SLC38A8: variants seen among roughly 807,000 people sequenced by gnomAD.
SLC38A8 encodes solute carrier family 38 member 8.
Under a neutral mutation model 46.0 loss-of-function variants are expected in SLC38A8, and 65 were observed. The ratio of observed to expected loss-of-function variants is 1.41; its 90% CI spans 1.16 to 1.74. SLC38A8 has a LOEUF of 1.74. Ranked by LOEUF, SLC38A8 falls within the 40% of genes most tolerant of loss-of-function variation. SLC38A8 has a pLI of 0.00. For synonymous variants in SLC38A8, 447 were observed against 243.7 expected (o/e 1.83, Z -7.77); for missense variants, 998 against 567.9 (o/e 1.76, Z -7.70).
chr16:84,012,821 G>A (rs1216152058), intron 10 of SLC38A8, among the ~76,000 whole-genome samples, 180 bp downstream of exon 10: 1 of 152,238 alleles, frequency 6.6e-6, no homozygotes, highest in African/African-American at 2.4e-5. Context: ...ACTGGCCCGG[G>A]CTCCTATCCT....
chr16:84,016,723 C>T lies in SLC38A8; in HGVS notation c.958G>A (p.Val320Met), dbSNP rs1238476041. 4.3e-6 allele frequency: 7 copies of T among 1,612,032 alleles called. No individual in the cohort carries two copies. Among genetic ancestry groups the T allele is most frequent in the Non-Finnish European group, 5.9e-6 (7 of 1,179,646 alleles). Reference sequence around the variant, plus strand: ...CTCCTCCTCCAGAAGTCCTGCATCACTGACCTGGAGGCCACAGCCAACACA... The same window carrying T: ...CTCCTCCTCCAGAAGTCCTGCATCATTGACCTGGAGGCCACAGCCAACACA... The part of the protein sequence containing the change: ...YPIVLFLGRS[V>M]MQDFWRRSCL... The change falls in exon 9 of 11, where the codon GTG becomes ATG. Residue 320 changes from valine (V) to methionine (M), a missense_variant. Coordinates refer to ENST00000299709, the MANE Select transcript of SLC38A8 (RefSeq NM_001080442.3).
intron 2 of SLC38A8, 114 bp downstream of exon 2, chr16:84,041,855 C>T (rs1373184847): frequency 2.3e-5 from 22 of 943,000 alleles, no homozygotes; most frequent in Non-Finnish European, 3.2e-5. Context: ...AATAAAACCC[C>T]GAAGCTATAG....
At chr16:84,012,036 A>G (rs903978219) in intron 10 of SLC38A8, among the ~76,000 whole-genome samples, 2 of 152,224 alleles carry the variant, frequency 1.3e-5, no homozygotes, top group Admixed American at 6.5e-5. Flanking sequence ...CAGAGAGTCC[A>G]GCCCTGCCAA....
rs189177307 is a variant in SLC38A8 at position 84,034,992 on chromosome 16, G to C, written c.389-1523C>G. 3.9e-4 allele frequency among the ~76,000 whole-genome samples: 59 copies of C among 152,190 alleles called. 1 individual carries two copies. The highest frequency in any genetic ancestry group is 3.4e-3 in the Middle Eastern group (1 of 294). ...CCCCAAGCACTCCAACCTCTATCTA[G>C]CACTCCGTCTCAGAAGCTTGGCCTT... On this transcript the variant is annotated intron_variant, in intron 3 of 10. Coordinates refer to ENST00000299709, the MANE Select transcript of SLC38A8 (RefSeq NM_001080442.3).
intron 6 of SLC38A8, among the ~76,000 whole-genome samples, chr16:84,023,780 G>A (rs1395708884): frequency 6.6e-6 from 1 of 152,184 alleles, no homozygotes; most frequent in Non-Finnish European, 1.5e-5. Flanking sequence ...TGTAATCCCA[G>A]CTACTCAGGA....
intron 6 of SLC38A8, among the ~76,000 whole-genome samples, chr16:84,026,641 T>C (rs1242702271): frequency 6.6e-6 from 1 of 152,092 alleles, no homozygotes; most frequent in African/African-American, 2.4e-5. Context: ...GACGACACAG[T>C]GGCCAAAAAG....
At chr16:84,031,699 A>T (rs1226773822) in intron 5 of SLC38A8, among the ~76,000 whole-genome samples, 168 bp downstream of exon 5, 1 of 100,730 alleles carries the variant, frequency 9.9e-6, no homozygotes, top group Non-Finnish European at 2.4e-5. Flanking sequence ...CAGCAGAAGG[A>T]GAGTGGCCCT....
intron 10 of SLC38A8, 138 bp downstream of exon 10, chr16:84,012,863 G>A (rs2084970375): frequency 3.1e-6 from 3 of 960,774 alleles, no homozygotes; most frequent in Non-Finnish European, 1.6e-6. Flanking sequence ...GGTAGACAGA[G>A]ACTCTCTTCC....
chr16:84,026,383 T>G (rs568732236), intron 6 of SLC38A8, among the ~76,000 whole-genome samples: 1 of 152,312 alleles, frequency 6.6e-6, no homozygotes, highest in South Asian at 2.1e-4. Flanking sequence ...CGCACCGCCA[T>G]GCCCGGCTAA....
At chr16:84,029,662 T>C (rs2085214597) in intron 5 of SLC38A8, 111 bp from the exon 6 acceptor site, 1 of 1,061,846 alleles carries the variant, frequency 9.4e-7, no homozygotes, top group Non-Finnish European at 1.4e-6. Context: ...AGAGCATGGC[T>C]GCAAGATGTA....
Position 84,036,075 on chromosome 16 carries a change from A to G in SLC38A8, c.388+627T>C, listed in dbSNP as rs573842141. 1.1e-4 allele frequency among the ~76,000 whole-genome samples: 16 copies of G among 152,376 alleles called. No individual in the cohort carries two copies. The Middle Eastern group carries it at 0.014, about 130-fold the overall frequency. ...TCTCACTGGATCTCAAAAGACAGCA[A>G]TGATACAGACTCCCTGACCATGATG... On this transcript the variant is annotated intron_variant, in intron 3 of 10. Transcript: ENST00000299709.
intron 3 of SLC38A8, among the ~76,000 whole-genome samples, chr16:84,035,466 T>A (rs1448868413): frequency 6.6e-6 from 1 of 152,180 alleles, no homozygotes; most frequent in Non-Finnish European, 1.5e-5. Context: ...ATTAAAAGTC[T>A]AAACATTCCA....
At chr16:84,022,512 G>C (rs1049168106) in intron 7 of SLC38A8, among the ~76,000 whole-genome samples, 4 of 152,234 alleles carry the variant, frequency 2.6e-5, no homozygotes, top group Non-Finnish European at 4.4e-5. Context: ...ACGGGCTTTG[G>C]AGACGGCTAG....
At chr16:84,027,908 A>C (rs1199220144) in intron 6 of SLC38A8, among the ~76,000 whole-genome samples, 1 of 152,246 alleles carries the variant, frequency 6.6e-6, no homozygotes, top group South Asian at 2.1e-4. Flanking sequence ...AACAGTTGAC[A>C]GCAAAATCAG....
chr16:84,031,964 G>T lies in SLC38A8; in HGVS notation c.535C>A (p.Leu179Ile). 1 of 1,614,076 alleles carries T rather than the reference G, an allele frequency of 6.2e-7. No individual in the cohort carries two copies. The highest frequency in any genetic ancestry group is 8.5e-7 in the Non-Finnish European group (1 of 1,179,940). ...AGGTAACAGGCAGCCAGAGTGCCTA[G>T]GATGCTAACACAGTGACCGTGTGAG... is the stretch of plus-strand genomic sequence containing the variant. The part of the protein sequence containing the change: ...EIAFQKYTSI[L>I]GTLAACYLAL... Residue 179 changes from leucine (L) to isoleucine (I), a missense_variant, in exon 5 of 11, where the codon CTA becomes ATA. Transcript: ENST00000299709.
intron 9 of SLC38A8, among the ~76,000 whole-genome samples, chr16:84,015,715 T>C (rs1040261084): frequency 1.1e-4 from 17 of 152,236 alleles, no homozygotes; most frequent in Middle Eastern, 6.8e-3. Flanking sequence ...TAATGGTTTG[T>C]TTTGTTTGAG....
chr16:84,019,240 A>G (rs1228893102), intron 7 of SLC38A8, among the ~76,000 whole-genome samples: 2 of 151,996 alleles, frequency 1.3e-5, no homozygotes, highest in East Asian at 1.9e-4. Context: ...ATGCTCGGCT[A>G]TATTTTTCTG....
At chr16:84,039,743 CAAAAAAAAAA>C (rs56074069) in intron 2 of SLC38A8, among the ~76,000 whole-genome samples, 5 of 85,824 alleles carry the variant, frequency 5.8e-5, no homozygotes, top group East Asian at 3.3e-4. Context: ...GTGAGACCTT[CAAAAAAAAAA>C]AAAAAAAAAA....
chr16:84,041,363 G>C (rs1326521853), intron 2 of SLC38A8: 1 of 152,570 alleles, frequency 6.6e-6, no homozygotes, highest in Admixed American at 6.5e-5. Flanking sequence ...CCGTCGCCCA[G>C]GCTGGAGCGC....
Sources: allele counts gnomAD v4.1 joint callset (sites outside exome capture counted in the v4.1 genomes callset), GRCh38; gene constraint gnomAD v4.1.1; transcripts MANE v1.5; gene names NCBI Gene and HGNC (gene_info 2026-07-23, HGNC 2026-07-21).